The following P3H2 variants were observed in gnomAD, a reference collection of about 807,000 sequenced individuals.
P3H2 encodes prolyl 3-hydroxylase 2, also known as leprecan-like 1.
P3H2 carries 80 observed loss-of-function variants against 87.0 expected under a neutral mutation model. The observed-to-expected ratio is 0.92, with a 90% CI of 0.77 to 1.11. The LOEUF is 1.11. Among genes scored for constraint, P3H2 ranks in the 50% least tolerant of loss-of-function variants. P3H2 has a pLI of 0.00. For missense variants in P3H2, 1,001 were observed against 923.9 expected, an observed-to-expected ratio of 1.08 and a Z score of -1.08; for synonymous variants, 367 against 359.3, an observed-to-expected ratio of 1.02 and a Z score of -0.24.
intron 13 of P3H2, among the ~76,000 whole-genome samples, chr3:189,965,802 A>G (rs1415840830): frequency 6.6e-6 from 1 of 152,048 alleles, no homozygotes; most frequent in Non-Finnish European, 1.5e-5. Flanking sequence ...CCTGGCCAAC[A>G]TGGTGAAACC....
intron 1 of P3H2, among the ~76,000 whole-genome samples, chr3:190,118,838 A>T (rs369468537): frequency 1.3e-5 from 2 of 150,794 alleles, no homozygotes; most frequent in Non-Finnish European, 3.0e-5. Context: ...CACGCCTATA[A>T]TCCCAGCACT....
At chr3:190,083,235 G>A (rs1385623575) in intron 1 of P3H2, among the ~76,000 whole-genome samples, 5 of 152,098 alleles carry the variant, frequency 3.3e-5, no homozygotes, top group East Asian at 3.9e-4. Flanking sequence ...CTTATTTTAC[G>A]GGAAAGACCT....
In P3H2 at chr3:189,974,594, C is replaced by T. The variant is rs368401795; in HGVS notation, c.1416G>A (p.Ser472=). 1.2e-5 allele frequency: 19 copies of T among 1,614,002 alleles called. No homozygotes were observed. The highest frequency in any genetic ancestry group is 1.7e-4 in the Middle Eastern group (1 of 6,042). ...TQRVLLDNVL[S]EEQCRELHSV... is the part of the protein sequence containing the mutation. ...TGTGGAGCTCCCGGCACTGTTCTTCCGACAGGACGTTATCCAGGAGAACCC... is the reference window on the plus strand; with the variant it reads ...TGTGGAGCTCCCGGCACTGTTCTTCTGACAGGACGTTATCCAGGAGAACCC... The change falls in exon 9 of 15, where the codon TCG becomes TCA. Residue 472 remains serine, a synonymous_variant. Transcript: ENST00000319332.
At chr3:190,041,808 T>G (rs544621470) in intron 1 of P3H2, among the ~76,000 whole-genome samples, 2 of 152,340 alleles carry the variant, frequency 1.3e-5, no homozygotes, top group East Asian at 3.9e-4. Context: ...AAAACAATGC[T>G]GTGAACAGAA....
At chr3:190,057,287 TA>T (rs1372312188) in intron 1 of P3H2, among the ~76,000 whole-genome samples, 1 of 152,192 alleles carries the variant, frequency 6.6e-6, no homozygotes, top group African/African-American at 2.4e-5. Context: ...CCTACTGAAT[TA>T]AAACTGCATT....
chr3:189,995,264 T>G, intron 2 of P3H2, 26 bp downstream of exon 2: 1 of 1,613,372 alleles, frequency 6.2e-7, no homozygotes, highest in South Asian at 1.1e-5. Context: ...CTCCCTGTGG[T>G]GAGGGCAGGG....
At chr3:189,959,818 G>A (rs1722755309) in intron 14 of P3H2, among the ~76,000 whole-genome samples, 2 of 151,250 alleles carry the variant, frequency 1.3e-5, no homozygotes, top group African/African-American at 4.9e-5. Context: ...GTTAGCTAAA[G>A]TAATCTTCTG....
intron 1 of P3H2, among the ~76,000 whole-genome samples, chr3:190,049,140 A>G (rs1414660424): frequency 6.6e-6 from 1 of 152,170 alleles, no homozygotes; most frequent in Non-Finnish European, 1.5e-5. Context: ...AGGAAGAAAA[A>G]CTGCATGTTC....
intron 1 of P3H2, among the ~76,000 whole-genome samples, chr3:190,001,051 C>T (rs1010199587): frequency 6.6e-6 from 1 of 152,188 alleles, no homozygotes; most frequent in Non-Finnish European, 1.5e-5. Flanking sequence ...ATTCCTTTCT[C>T]TTCGTCTATT....
intron 1 of P3H2, among the ~76,000 whole-genome samples, chr3:190,015,600 T>C (rs1303303083): frequency 6.6e-6 from 1 of 152,140 alleles, no homozygotes; most frequent in Non-Finnish European, 1.5e-5. Flanking sequence ...CTTGAACTAC[T>C]CCTCAAGATA....
chr3:189,986,244 C>T (rs1473753332), intron 6 of P3H2, among the ~76,000 whole-genome samples: 1 of 152,116 alleles, frequency 6.6e-6, no homozygotes, highest in Non-Finnish European at 1.5e-5. Flanking sequence ...TGACTTTAGA[C>T]CTTGTTAATA....
At chr3:189,985,070 A>G (rs968071519) in intron 6 of P3H2, among the ~76,000 whole-genome samples, 17 of 152,164 alleles carry the variant, frequency 1.1e-4, no homozygotes, top group African/African-American at 3.1e-4. Context: ...AAATATTAAT[A>G]TATTAGAAGG....
chr3:190,120,176 G>A (rs1168067101), intron 1 of P3H2, 76 bp downstream of exon 1: 17 of 1,515,792 alleles, frequency 1.1e-5, no homozygotes, highest in Non-Finnish European at 1.5e-5. Flanking sequence ...CAGAGATGAC[G>A]GGGGCAGCAG....
At chr3:190,056,644 C>T (rs1323272030) in intron 1 of P3H2, among the ~76,000 whole-genome samples, 3 of 152,192 alleles carry the variant, frequency 2.0e-5, no homozygotes, top group Non-Finnish European at 2.9e-5. Context: ...TACGATTAAG[C>T]TTCTGGGGGT....
chr3:189,992,949 T>C (rs948391276), intron 3 of P3H2, among the ~76,000 whole-genome samples: 1 of 152,188 alleles, frequency 6.6e-6, no homozygotes, highest in African/African-American at 2.4e-5. Context: ...ATCAGCTTGG[T>C]TTATCGTATA....
intron 1 of P3H2, among the ~76,000 whole-genome samples, chr3:190,047,206 C>G (rs1048024284): frequency 5.9e-5 from 9 of 152,088 alleles, no homozygotes; most frequent in Non-Finnish European, 8.8e-5. Flanking sequence ...TCATCTCACC[C>G]CAGTTAAAAT....
rs1025171016 is a variant in P3H2 at position 189,969,691 on chromosome 3, G to A, written c.1893+1125C>T. The stretch of plus-strand genomic sequence containing the variant: ...TGTGCTGCCTCCCATGCCTTGCAAG[G>A]AGGACACAATCAACATTTTTTATCT... On this transcript the variant is annotated intron_variant, in intron 13 of 14. Transcript: ENST00000319332. 10 of 1,324,872 alleles carry A rather than the reference G, an allele frequency of 7.5e-6. No homozygotes were observed. The East Asian group carries it at 2.3e-4, about 30-fold the overall frequency. The allele number at this position is 1,324,872 out of a possible 1,614,324, so 82.1% of individuals were successfully genotyped here.
chr3:190,107,278 G>C (rs1020372903), intron 1 of P3H2, among the ~76,000 whole-genome samples: 8 of 152,130 alleles, frequency 5.3e-5, no homozygotes, highest in South Asian at 2.1e-4. Flanking sequence ...TATACCTATT[G>C]AGGTAAAAAA....
chr3:190,033,109 G>C (rs769633224), intron 1 of P3H2, among the ~76,000 whole-genome samples: 1 of 152,026 alleles, frequency 6.6e-6, no homozygotes, highest in Non-Finnish European at 1.5e-5. Flanking sequence ...TCACAATAGC[G>C]CTCGCGCTCC....
Sources: allele counts gnomAD v4.1 joint callset (sites outside exome capture counted in the v4.1 genomes callset), GRCh38; gene constraint gnomAD v4.1.1; transcripts MANE v1.5; gene names NCBI Gene and HGNC (gene_info 2026-07-23, HGNC 2026-07-21).